PSEN1: variants seen among roughly 807,000 people sequenced by gnomAD.
PSEN1 encodes the protein presenilin-1.
Under a neutral mutation model 53.5 loss-of-function variants are expected in PSEN1, and 15 were observed. The observed-to-expected ratio is 0.28, with a 90% CI of 0.19 to 0.43. The LOEUF is 0.43. Ranked by LOEUF, PSEN1 falls within the 20% of genes least tolerant of loss-of-function variation. The probability of loss-of-function intolerance (pLI) is 1.00; values close to 1 mark genes in which losing one functional copy is unlikely to be tolerated. For missense variants in PSEN1, 387 were observed against 571.2 expected (o/e 0.68, Z 3.29); for synonymous variants, 208 against 209.8 (o/e 0.99, Z 0.08).
chr14:73,158,282 T>TTCCA (rs1897422042), intron 3 of PSEN1, among the ~76,000 whole-genome samples: 1 of 141,464 alleles, frequency 7.1e-6, no homozygotes, highest in Non-Finnish European at 1.5e-5. Context: ...TAACTTTTTT[T>TTCCA]TCTATCTATC....
chr14:73,189,473 G>A (rs961809502), intron 6 of PSEN1, among the ~76,000 whole-genome samples: 2 of 152,162 alleles, frequency 1.3e-5, no homozygotes, highest in Admixed American at 6.5e-5. Context: ...TTAGCCGGGC[G>A]TGGTGGTGGG....
chr14:73,216,069 T>G (rs188549491), intron 10 of PSEN1, among the ~76,000 whole-genome samples: 3,397 of 152,200 alleles, frequency 0.022, 129 homozygotes, highest in African/African-American at 0.075. Context: ...AACTGGTAAA[T>G]GGATAAGCAA....
chr14:73,144,710 C>T (rs745515181), intron 1 of PSEN1, among the ~76,000 whole-genome samples: 2 of 152,120 alleles, frequency 1.3e-5, no homozygotes, highest in Non-Finnish European at 2.9e-5. Context: ...AATAATGTCT[C>T]TAAGTTTTAC....
chr14:73,210,498 A>C (rs987852070), intron 9 of PSEN1, among the ~76,000 whole-genome samples: 1 of 152,210 alleles, frequency 6.6e-6, no homozygotes, highest in Non-Finnish European at 1.5e-5. Flanking sequence ...TTATGGCACA[A>C]TGAGCATGCT....
chr14:73,194,446 A>G (rs980679453), intron 7 of PSEN1, among the ~76,000 whole-genome samples: 13 of 151,996 alleles, frequency 8.6e-5, no homozygotes, highest in Non-Finnish European at 7.4e-5. Context: ...TTTTTTTCAG[A>G]GATGAGATCT....
intron 5 of PSEN1, among the ~76,000 whole-genome samples, chr14:73,175,617 A>G (rs1479310317): frequency 6.6e-6 from 1 of 152,130 alleles, no homozygotes; most frequent in East Asian, 1.9e-4. Flanking sequence ...CATTTTTTCT[A>G]TTATAAATTC....
At chr14:73,209,678 C>T (rs542481543) in intron 9 of PSEN1, among the ~76,000 whole-genome samples, 2 of 152,100 alleles carry the variant, frequency 1.3e-5, no homozygotes, top group Non-Finnish European at 2.9e-5. Flanking sequence ...GTATAAGTTG[C>T]TATGAAAGTT....
intron 10 of PSEN1, 87 bp from the exon 11 acceptor site, chr14:73,217,039 G>T: frequency 7.4e-7 from 1 of 1,351,632 alleles, no homozygotes; most frequent in Non-Finnish European, 1.1e-6. Flanking sequence ...TTCATTGTGG[G>T]GTTGAGTAGG....
intron 5 of PSEN1, among the ~76,000 whole-genome samples, chr14:73,174,895 CCTA>C (rs1288826934): frequency 6.6e-6 from 1 of 152,142 alleles, no homozygotes; most frequent in East Asian, 1.9e-4. Flanking sequence ...GCCAAAGTGA[CCTA>C]CTGCTGAGTT....
Position 73,148,043 on chromosome 14 carries a change from G to T in PSEN1, c.24G>T (p.Leu8Phe). 6.2e-7 allele frequency: 1 copy of T among 1,613,894 alleles called. No individual in the cohort carries two copies. Among genetic ancestry groups the T allele is most frequent in the Non-Finnish European group, 8.5e-7 (1 of 1,179,844 alleles). The change falls in exon 3 of 12, where the codon TTG (leucine) becomes TTT (phenylalanine). Residue 8 changes from leucine (L) to phenylalanine (F), a missense_variant. Physicochemically the swap from Leu to Phe is conservative, Grantham distance 22. This residue lies in a region of PSEN1 where 99 missense variants were observed against 101.5 expected (regional missense o/e 0.98). Coordinates refer to ENST00000324501, the MANE Select transcript of PSEN1 (RefSeq NM_000021.4). ...CAATGACAGAGTTACCTGCACCGTTGTCCTACTTCCAGAATGCACAGATGT... is the reference window on the plus strand; with the variant it reads ...CAATGACAGAGTTACCTGCACCGTTTTCCTACTTCCAGAATGCACAGATGT... MTELPAPLSYFQNAQMSE... is the reference protein window; with the variant it reads MTELPAPFSYFQNAQMSE...
At position 73,202,573 on chromosome 14, in the gene PSEN1, C is replaced by T. The variant is rs1594747168; in HGVS notation, c.869-3813C>T. On this transcript the variant is annotated intron_variant, in intron 8 of 11. Coordinates refer to ENST00000324501, the MANE Select transcript of PSEN1 (RefSeq NM_000021.4). ...CTGCAAGCTCCACCTCCCGGGTTCA[C>T]GCCATTCTCCTGCCTCAGCCTCCCG... Among the ~76,000 whole-genome samples the T allele has an allele frequency of 1.5e-5, 2 of 136,810 alleles. 1 individual carries two copies. The highest frequency in any genetic ancestry group is 5.0e-4 in the South Asian group (2 of 4,034). 89.8% of individuals were successfully genotyped at this position (136,810 alleles called of 152,430 possible). A position where few individuals can be genotyped will look rare whatever the true frequency, so the allele number is the denominator to read the frequency against.
In PSEN1 at chr14:73,173,700, G is replaced by A; in HGVS notation, c.473G>A (p.Cys158Tyr). Residue 158 changes from cysteine (C) to tyrosine (Y), a missense_variant, in exon 5 of 12, where the codon TGC becomes TAC. By Grantham distance (194) the Cys-to-Tyr change is radical (BLOSUM62 -2). This residue lies in a region of PSEN1 where 169 missense variants were observed against 299.7 expected (regional missense o/e 0.56). Coordinates refer to ENST00000324501, the MANE Select transcript of PSEN1 (RefSeq NM_000021.4). ...ILLVVLYKYR[C>Y]YKVIHAWLII... ...CTGGTGGTTCTGTATAAATACAGGTGCTATAAGGTGAGCATGAGACACAGA... is the reference window on the plus strand; with the variant it reads ...CTGGTGGTTCTGTATAAATACAGGTACTATAAGGTGAGCATGAGACACAGA... 2 of 1,614,094 alleles carry A rather than the reference G, an allele frequency of 1.2e-6. No homozygotes were observed. The highest frequency in any genetic ancestry group is 1.7e-6 in the Non-Finnish European group (2 of 1,179,956).
Position 73,192,607 on chromosome 14 carries a change from T to C in PSEN1, c.549-37T>C, listed in dbSNP as rs140863358. 5.5e-4 allele frequency: 762 copies of C among 1,387,340 alleles called. 2 individuals are homozygous for C. In the African/African-American group the frequency reaches 9.1e-3, roughly 17 times the overall value. 85.9% of individuals were successfully genotyped at this position (1,387,340 alleles called of 1,614,324 possible). ...CTAAATAATGTTTTGGTGAAAATTA[T>C]TGTACATCTTTTAAAATCTGTGTAA... is the stretch of plus-strand genomic sequence containing the variant. On this transcript the variant is annotated intron_variant, in intron 6 of 11. Transcript: ENST00000324501.
intron 9 of PSEN1, 84 bp from the exon 10 acceptor site, chr14:73,211,685 G>A (rs149135830): frequency 6.9e-7 from 1 of 1,449,762 alleles, no homozygotes; most frequent in Admixed American, 1.7e-5. Context: ...TACAATGACA[G>A]CTAGTTACTG....
At chr14:73,164,403 G>T (rs1467568390) in intron 3 of PSEN1, among the ~76,000 whole-genome samples, 1 of 152,208 alleles carries the variant, frequency 6.6e-6, no homozygotes, top group Non-Finnish European at 1.5e-5. Context: ...GAGGAGATCA[G>T]TTATACCTTG....
intron 5 of PSEN1, among the ~76,000 whole-genome samples, chr14:73,174,861 T>C (rs962428483): frequency 6.6e-6 from 1 of 152,098 alleles, no homozygotes; most frequent in Non-Finnish European, 1.5e-5. Flanking sequence ...CTTCTCAGCC[T>C]CTCCTCCCCT....
intron 3 of PSEN1, among the ~76,000 whole-genome samples, chr14:73,165,979 C>T (rs1897703055): frequency 6.6e-6 from 1 of 151,926 alleles, no homozygotes; most frequent in African/African-American, 2.4e-5. Flanking sequence ...TTGCTTGAAC[C>T]TGAGAGGCAG....
chr14:73,147,060 T>TTC (rs1555350452), intron 1 of PSEN1, among the ~76,000 whole-genome samples: 2 of 151,114 alleles, frequency 1.3e-5, no homozygotes, highest in African/African-American at 4.9e-5. Flanking sequence ...TTTTTTTTTT[T>TTC]CTGCAACCTC....
intron 3 of PSEN1, among the ~76,000 whole-genome samples, chr14:73,165,990 A>G (rs1261863116): frequency 2.0e-5 from 3 of 152,044 alleles, no homozygotes; most frequent in Non-Finnish European, 4.4e-5. Context: ...TGAGAGGCAG[A>G]GGTTGCAGTG....
Sources: allele counts gnomAD v4.1 joint callset (sites outside exome capture counted in the v4.1 genomes callset), GRCh38; gene constraint gnomAD v4.1.1; regional missense constraint gnomAD v4.1.1; transcripts MANE v1.5; gene names NCBI Gene and HGNC (gene_info 2026-07-23, HGNC 2026-07-21).